OSBPL6: variants seen among roughly 807,000 people sequenced by gnomAD.
OSBPL6 encodes the protein oxysterol binding protein like 6.
A neutral mutation model predicts 125.8 loss-of-function variants in OSBPL6; 49 were observed. The ratio of observed to expected loss-of-function variants is 0.39; its 90% CI spans 0.31 to 0.49. The LOEUF (loss-of-function observed/expected upper bound fraction) is 0.49, where lower values mean the gene tolerates loss of function less well. Ranked by LOEUF, OSBPL6 falls within the 20% of genes least tolerant of loss-of-function variation. The probability of loss-of-function intolerance (pLI) is 0.88; values close to 1 mark genes in which losing one functional copy is unlikely to be tolerated. For missense variants in OSBPL6, 986 were observed against 1,135.4 expected, an observed-to-expected ratio of 0.87 and a Z score of 1.89; for synonymous variants, 394 against 391.8, an observed-to-expected ratio of 1.01 and a Z score of -0.07.
At chr2:178,252,176 G>A (rs1445530382) in intron 1 of OSBPL6, among the ~76,000 whole-genome samples, 1 of 26,608 alleles carries the variant, frequency 3.8e-5, no homozygotes, top group African/African-American at 1.1e-3. Flanking sequence ...CTTAAAAATG[G>A]TATAATTGTT....
chr2:178,199,352 C>A (rs2089106456), intron 1 of OSBPL6, among the ~76,000 whole-genome samples: 1 of 152,290 alleles, frequency 6.6e-6, no homozygotes, highest in Non-Finnish European at 1.5e-5. Flanking sequence ...CCTACCATTA[C>A]TCTTTCTACA....
chr2:178,382,779 A>T, intron 16 of OSBPL6: 2 of 1,423,382 alleles, frequency 1.4e-6, no homozygotes, highest in Non-Finnish European at 1.8e-6. Flanking sequence ...ATTTTTTAAA[A>T]CTTAGCCTGT....
At chr2:178,237,050 A>G (rs931041685) in intron 1 of OSBPL6, among the ~76,000 whole-genome samples, 5 of 152,100 alleles carry the variant, frequency 3.3e-5, no homozygotes, top group Non-Finnish European at 5.9e-5. Flanking sequence ...GAAAACCCTA[A>G]TGTCATTCTT....
In OSBPL6 at chr2:178,213,008, G is replaced by A. The variant is rs117162775; in HGVS notation, c.-351+18334G>A. Among the ~76,000 whole-genome samples the A allele has an allele frequency of 4.0e-3, 609 of 152,154 alleles. 7 individuals are homozygous for A. The East Asian group carries it at 0.057, about 14-fold the overall frequency. ...ATCTTTAGTAGAGACAGGGTTTCAC[G>A]GTGTTGATCAGGCTGGTCTCGAACT... On this transcript the variant is annotated intron_variant, in intron 1 of 24. Transcript: ENST00000190611.
chr2:178,385,433 C>CCTT, intron 18 of OSBPL6, 25 bp from the exon 19 acceptor site: 1 of 1,551,454 alleles, frequency 6.4e-7, no homozygotes, highest in Admixed American at 1.7e-5. Flanking sequence ...ACTGATACTG[C>CCTT]CTTTTTTTTG....
chr2:178,324,565 T>A (rs1409254600), intron 4 of OSBPL6, among the ~76,000 whole-genome samples: 1 of 152,144 alleles, frequency 6.6e-6, no homozygotes, highest in Non-Finnish European at 1.5e-5. Flanking sequence ...AACAAATATT[T>A]CTATGCCCAG....
chr2:178,257,694 A>T (rs334012), intron 1 of OSBPL6, among the ~76,000 whole-genome samples: 152,003 of 152,340 alleles, frequency 1, 75,834 homozygotes, highest in Middle Eastern at 1. Flanking sequence ...AGTTTGTAGA[A>T]GAATAAACTG....
chr2:178,241,601 A>G (rs1442170012), intron 1 of OSBPL6, among the ~76,000 whole-genome samples: 1 of 151,838 alleles, frequency 6.6e-6, no homozygotes, highest in African/African-American at 2.4e-5. Flanking sequence ...TTTTTAGTAG[A>G]GACGGGGTTT....
At chr2:178,394,488 G>C in intron 24 of OSBPL6, 53 bp downstream of exon 24, 1 of 1,552,836 alleles carries the variant, frequency 6.4e-7, no homozygotes, top group Non-Finnish European at 8.7e-7. Context: ...GGTTGCCACA[G>C]GCCATGAGAA....
intron 1 of OSBPL6, among the ~76,000 whole-genome samples, chr2:178,245,763 C>T (rs141194931): frequency 6.6e-6 from 1 of 152,290 alleles, no homozygotes; most frequent in Non-Finnish European, 1.5e-5. Flanking sequence ...TCATTCACTG[C>T]TGGGGAAACT....
chr2:178,237,107 G>T (rs562169786), intron 1 of OSBPL6, among the ~76,000 whole-genome samples: 1 of 152,272 alleles, frequency 6.6e-6, no homozygotes, highest in East Asian at 1.9e-4. Flanking sequence ...AAGATATTCA[G>T]GACACTGAGT....
chr2:178,273,939 A>G (rs2092420460), intron 1 of OSBPL6, among the ~76,000 whole-genome samples: 1 of 152,142 alleles, frequency 6.6e-6, no homozygotes, highest in African/African-American at 2.4e-5. Context: ...CTGGCAAACA[A>G]GACACCAGCT....
In OSBPL6 at chr2:178,385,187, A is replaced by G. The variant is rs1230768437; in HGVS notation, c.2014-271A>G. Among the ~76,000 whole-genome samples, 3 of 152,260 alleles carry G rather than the reference A, an allele frequency of 2.0e-5. No individual in the cohort carries two copies. In the East Asian group the frequency reaches 5.8e-4, roughly 29 times the overall value. Reference sequence around the variant, plus strand: ...CACCATGGCACGTGTATACCTGTGTAACAAACCTGCACATTCTGCACATGT... The same window carrying G: ...CACCATGGCACGTGTATACCTGTGTGACAAACCTGCACATTCTGCACATGT... On this transcript the variant is annotated intron_variant, in intron 18 of 24. Transcript: ENST00000190611.
chr2:178,324,988 G>A (rs1025569794), intron 4 of OSBPL6, among the ~76,000 whole-genome samples: 1 of 152,202 alleles, frequency 6.6e-6, no homozygotes, highest in Non-Finnish European at 1.5e-5. Flanking sequence ...GCTCGTGAGA[G>A]AACACTGCAG....
Position 178,324,242 on chromosome 2 carries a change from A to G in OSBPL6, c.168A>G (p.Leu56=), listed in dbSNP as rs139165373. 3.2e-5 allele frequency: 50 copies of G among 1,578,204 alleles called. No homozygotes were observed. In the East Asian group the frequency reaches 1.1e-3, roughly 35 times the overall value. ...STEPSVSRQL[L]EPEPVPLSKE... is the part of the protein sequence containing the mutation. ...AGCCCTCTGTAAGTCGGCAATTGCTAGAACCGGAGCCAGTCCCCCTCTCCA... is the reference window on the plus strand; with the variant it reads ...AGCCCTCTGTAAGTCGGCAATTGCTGGAACCGGAGCCAGTCCCCCTCTCCA... The change falls in exon 4 of 25, where the codon CTA becomes CTG. Residue 56 remains leucine, a synonymous_variant. Transcript: ENST00000190611.
At chr2:178,360,712 A>G (rs1001062618) in intron 12 of OSBPL6, among the ~76,000 whole-genome samples, 2 of 152,180 alleles carry the variant, frequency 1.3e-5, no homozygotes, top group Admixed American at 6.5e-5. Flanking sequence ...ATGGATGAAG[A>G]GCTTGCTTTT....
intron 3 of OSBPL6, among the ~76,000 whole-genome samples, chr2:178,311,197 T>C (rs1186191845): frequency 6.6e-6 from 1 of 152,164 alleles, no homozygotes; most frequent in Non-Finnish European, 1.5e-5. Flanking sequence ...CTCCAGTACA[T>C]TCCTCAGATG....
In OSBPL6 at chr2:178,271,164, G is replaced by A. The variant is rs149009993; in HGVS notation, c.-350-13763G>A. On this transcript the variant is annotated intron_variant, in intron 1 of 24. Coordinates refer to ENST00000190611, the MANE Select transcript of OSBPL6 (RefSeq NM_032523.4). ...ATTATATTTCCAGAAGAACAGCTTT[G>A]AATTGTAATGGATGGCATTGTTCAC... Among the ~76,000 whole-genome samples the A allele has an allele frequency of 3.5e-3, 537 of 152,128 alleles. 3 individuals are homozygous for A. The highest frequency in any genetic ancestry group is 0.012 in the African/African-American group (486 of 41,484).
intron 15 of OSBPL6, 25 bp from the exon 16 acceptor site, chr2:178,382,395 C>G (rs1461347419): frequency 1.0e-5 from 16 of 1,564,062 alleles, no homozygotes; most frequent in African/African-American, 1.4e-5. Context: ...GAATTCTGAT[C>G]CTTGTATGTT....
Sources: gnomAD v4.1 joint callset for allele counts (sites outside exome capture counted in the v4.1 genomes callset) on GRCh38, gnomAD v4.1.1 for gene constraint, MANE v1.5 for transcripts, NCBI Gene and HGNC (gene_info 2026-07-23, HGNC 2026-07-21) for gene names.